Variants in SMG6 observed in about 807,000 individuals in gnomAD.
The protein encoded by SMG6 is telomerase-binding protein EST1A.
SMG6 carries 66 observed loss-of-function variants against 142.2 expected under a neutral mutation model. That is an observed-to-expected ratio of 0.46 (90% CI 0.38 to 0.57). SMG6 has a LOEUF of 0.57. Ranked by LOEUF, SMG6 falls within the 20% of genes least tolerant of loss-of-function variation. The pLI, the probability that SMG6 is intolerant of heterozygous loss-of-function variation, is 0.00. For missense variants in SMG6, 1,793 were observed against 1,832.0 expected (o/e 0.98, Z 0.39); for synonymous variants, 779 against 702.4 (o/e 1.11, Z -1.72).
intron 13 of SMG6, among the ~76,000 whole-genome samples, chr17:2,161,854 T>C (rs969660474): frequency 1.4e-4 from 21 of 152,198 alleles, no homozygotes; most frequent in African/African-American, 5.1e-4. Flanking sequence ...AGTCTGAGCA[T>C]TCTATTCCAC....
At chr17:2,067,754 ACCC>A (rs1465676841) in intron 16 of SMG6, among the ~76,000 whole-genome samples, 3 of 151,680 alleles carry the variant, frequency 2.0e-5, no homozygotes, top group Non-Finnish European at 4.4e-5. Context: ...GTTTCCCACA[ACCC>A]CCCAGGGTTC....
chr17:2,181,988 CAG>C (rs1434624369), intron 12 of SMG6, among the ~76,000 whole-genome samples: 1 of 152,274 alleles, frequency 6.6e-6, no homozygotes, highest in African/African-American at 2.4e-5. Flanking sequence ...TATGGGTAAA[CAG>C]GGGCTGTGTG....
chr17:2,167,697 C>A (rs765771371), intron 13 of SMG6, among the ~76,000 whole-genome samples: 1 of 152,132 alleles, frequency 6.6e-6, no homozygotes, highest in Non-Finnish European at 1.5e-5. Flanking sequence ...GTTGGCAATA[C>A]GTGTTTCGTA....
At chr17:2,293,775 C>CT (rs1387343635) in intron 4 of SMG6, among the ~76,000 whole-genome samples, 3 of 152,226 alleles carry the variant, frequency 2.0e-5, no homozygotes, top group East Asian at 3.8e-4. Flanking sequence ...CGCCCACCCA[C>CT]TTTTTTTGCC....
intron 13 of SMG6, among the ~76,000 whole-genome samples, chr17:2,110,353 G>A (rs528628119): frequency 2.0e-5 from 3 of 152,220 alleles, no homozygotes; most frequent in Admixed American, 2.0e-4. Flanking sequence ...AGGCCCTGTT[G>A]CGAGTTTCTG....
intron 1 of SMG6, among the ~76,000 whole-genome samples, chr17:2,302,509 C>G (rs1234066268): frequency 6.6e-6 from 1 of 152,182 alleles, no homozygotes; most frequent in Non-Finnish European, 1.5e-5. Context: ...CCACTGCACT[C>G]CAGCCTGGGC....
intron 8 of SMG6, among the ~76,000 whole-genome samples, chr17:2,253,119 T>TTTTATTTTA (rs1555565844): frequency 5.4e-4 from 70 of 130,682 alleles, no homozygotes; most frequent in East Asian, 8.3e-4. Context: ...AAATATTTTA[T>TTTTATTTTA]TTTATTTATT....
chr17:2,151,616 C>G (rs1265569318), intron 13 of SMG6, among the ~76,000 whole-genome samples: 2 of 152,226 alleles, frequency 1.3e-5, no homozygotes, highest in Non-Finnish European at 2.9e-5. Flanking sequence ...AAAAGAAACT[C>G]TACTAATGTC....
At chr17:2,079,758 T>C (rs1023393852) in intron 15 of SMG6, among the ~76,000 whole-genome samples, 2 of 152,088 alleles carry the variant, frequency 1.3e-5, no homozygotes, top group Non-Finnish European at 2.9e-5. Flanking sequence ...ATTCCAATGG[T>C]AGCAGGGACG....
intron 8 of SMG6, among the ~76,000 whole-genome samples, chr17:2,252,624 T>C (rs185147880): frequency 3.9e-4 from 59 of 152,350 alleles, no homozygotes; most frequent in African/African-American, 1.3e-3. Context: ...AACAGTTAAA[T>C]GAGTGAGATC....
chr17:2,271,122 T>G (rs1219911735), intron 8 of SMG6, among the ~76,000 whole-genome samples: 4 of 150,592 alleles, frequency 2.7e-5, no homozygotes, highest in Non-Finnish European at 1.5e-5. Context: ...TCTGGTTTTT[T>G]TTTTTTTTTT....
intron 10 of SMG6, among the ~76,000 whole-genome samples, chr17:2,203,530 G>A (rs2072593879): frequency 6.6e-6 from 1 of 152,182 alleles, no homozygotes; most frequent in African/African-American, 2.4e-5. Flanking sequence ...AGAAAAGCAT[G>A]GCAGGTCTTT....
chr17:2,124,525 A>C (rs146875554), intron 13 of SMG6, among the ~76,000 whole-genome samples: 2 of 152,238 alleles, frequency 1.3e-5, no homozygotes, highest in African/African-American at 2.4e-5. Flanking sequence ...AAACCCCACA[A>C]ACCCACTGCT....
chr17:2,085,927 A>T lies in SMG6; in HGVS notation c.3358-26T>A, dbSNP rs2068549047. 1 of 1,610,536 alleles carries T rather than the reference A, an allele frequency of 6.2e-7. No individual in the cohort carries two copies. Among genetic ancestry groups the T allele is most frequent in the Non-Finnish European group, 8.5e-7 (1 of 1,177,604 alleles). ...CTACAGGGTGAGAGGGAGAGAAGAA[A>T]AACAGCATTTTCTGAAAGGGAAGAT... On this transcript the variant is annotated intron_variant, in intron 13 of 18. Coordinates refer to ENST00000263073, the MANE Select transcript of SMG6 (RefSeq NM_017575.5). The surrounding 1 kb of genome is among the most constrained non-coding windows in gnomAD (Gnocchi z 4.1).
chr17:2,095,909 G>T (rs1051455258), intron 13 of SMG6, among the ~76,000 whole-genome samples: 3 of 119,304 alleles, frequency 2.5e-5, no homozygotes, highest in South Asian at 2.8e-4. Flanking sequence ...GGAACTTCAA[G>T]CCCCAGGCAA....
At chr17:2,210,359 G>A (rs1276023307) in intron 10 of SMG6, among the ~76,000 whole-genome samples, 4 of 150,858 alleles carry the variant, frequency 2.7e-5, no homozygotes, top group Non-Finnish European at 5.9e-5. Context: ...GGGCTCAAGC[G>A]ATCTTCTTTC....
chr17:2,207,115 TCCAAAAAAA>T (rs2072706983), intron 10 of SMG6, among the ~76,000 whole-genome samples: 1 of 56,622 alleles, frequency 1.8e-5, no homozygotes, highest in African/African-American at 5.9e-5. Context: ...CTACTAAAAA[TCCAAAAAAA>T]AAAAAAAAAA....
intron 13 of SMG6, among the ~76,000 whole-genome samples, chr17:2,136,124 G>A (rs755325591): frequency 4.6e-5 from 7 of 151,912 alleles, no homozygotes; most frequent in Non-Finnish European, 8.8e-5. Context: ...GTGCAGTGGT[G>A]TGATCTTGGC....
chr17:2,294,606 T>C (rs547739700), intron 4 of SMG6, among the ~76,000 whole-genome samples: 5 of 152,232 alleles, frequency 3.3e-5, no homozygotes, highest in African/African-American at 4.8e-5. Context: ...CACATACACC[T>C]TCACCTGGCT....
Sources: allele counts gnomAD v4.1 joint callset (sites outside exome capture counted in the v4.1 genomes callset), GRCh38; gene constraint gnomAD v4.1.1; non-coding constraint Gnocchi (gnomAD v3.1); transcripts MANE v1.5; gene names NCBI Gene and HGNC (gene_info 2026-07-23, HGNC 2026-07-21).